The following GALNT3 variants were observed in gnomAD, a reference collection of about 807,000 sequenced individuals.
The protein encoded by GALNT3 is GalNAc transferase 3.
In GALNT3, 51 loss-of-function variants were observed where a neutral mutation model predicts 69.8. The observed-to-expected ratio is 0.73, with a 90% confidence interval of 0.58 to 0.92. The LOEUF is 0.92. Ranked by LOEUF, GALNT3 falls within the 40% of genes least tolerant of loss-of-function variation. The pLI is 0.00. For synonymous variants in GALNT3, 265 were observed against 248.5 expected (o/e 1.07, Z -0.63); for missense variants, 711 against 760.0 (o/e 0.94, Z 0.76).
chr2:165,790,676 A>C (rs1683327935), intron 1 of GALNT3, among the ~76,000 whole-genome samples: 1 of 152,124 alleles, frequency 6.6e-6, no homozygotes, highest in South Asian at 2.1e-4. Context: ...GGCAGGTTAA[A>C]ATTGAAAGTG....
chr2:165,791,362 T>C (rs1204942906), intron 1 of GALNT3, among the ~76,000 whole-genome samples: 1 of 152,134 alleles, frequency 6.6e-6, no homozygotes, highest in Non-Finnish European at 1.5e-5. Context: ...AGAATAGTGC[T>C]ATTTTCACAT....
chr2:165,776,548 G>T lies in GALNT3; in HGVS notation c.-108-5740C>A, dbSNP rs28412869. On this transcript the variant is annotated intron_variant, in intron 1 of 10. Coordinates refer to ENST00000392701, the MANE Select transcript of GALNT3 (RefSeq NM_004482.4). Reference sequence around the variant, plus strand: ...ATAGTTTTTAAAAACTAAAAAAAAAGAAAAAAAAGAAAAGAAAAATTCAGA... The same window carrying T: ...ATAGTTTTTAAAAACTAAAAAAAAATAAAAAAAAGAAAAGAAAAATTCAGA... Among the ~76,000 whole-genome samples, 7 of 149,940 alleles carry T rather than the reference G, an allele frequency of 4.7e-5. No homozygotes were observed. The East Asian group carries it at 1.4e-3, about 29-fold the overall frequency.
chr2:165,757,137 T>C lies in GALNT3; in HGVS notation c.1302A>G (p.Arg434=), dbSNP rs1027728109. 1 of 1,614,132 alleles carries C rather than the reference T, an allele frequency of 6.2e-7. No homozygotes were observed. Among genetic ancestry groups the C allele is most frequent in the Non-Finnish European group, 8.5e-7 (1 of 1,179,974 alleles). ...AGACTTCTGCAAGGCGAACTTGGTT[T>C]CTAGCAATCACCTGAGTGCCTTTTG... ...SFPKGTQVIA[R]NQVRLAEVWM... The change falls in exon 7 of 11, where the codon AGA becomes AGG. Residue 434 remains arginine (R), a synonymous_variant. Transcript: ENST00000392701.
intron 5 of GALNT3, 88 bp downstream of exon 5, chr2:165,759,248 G>A: frequency 9.9e-7 from 1 of 1,014,496 alleles, no homozygotes; most frequent in South Asian, 1.4e-5. Flanking sequence ...AATTACCTCA[G>A]AGGCAATTGC....
chr2:165,782,897 G>C (rs1322222202), intron 1 of GALNT3, among the ~76,000 whole-genome samples: 2 of 152,112 alleles, frequency 1.3e-5, no homozygotes, highest in Non-Finnish European at 2.9e-5. Flanking sequence ...ACCAGAGCTA[G>C]AGATTTTCCT....
At chr2:165,777,248 G>A (rs1682976851) in intron 1 of GALNT3, among the ~76,000 whole-genome samples, 2 of 152,034 alleles carry the variant, frequency 1.3e-5, no homozygotes, top group Admixed American at 1.3e-4. Context: ...CTGAGTTAAG[G>A]CATGCTGTAA....
intron 1 of GALNT3, among the ~76,000 whole-genome samples, chr2:165,773,697 A>T (rs1435310948): frequency 2.0e-5 from 3 of 152,076 alleles, no homozygotes. Context: ...CTTGGGGTAA[A>T]TGTAAAACAA....
chr2:165,780,101 T>G lies in GALNT3; in HGVS notation c.-108-9293A>C, dbSNP rs543041927. Among the ~76,000 whole-genome samples the G allele has an allele frequency of 2.6e-3, 396 of 152,292 alleles. 8 individuals are homozygous for G. The highest frequency in any genetic ancestry group is 6.8e-3 in the Middle Eastern group (2 of 294). The stretch of plus-strand genomic sequence containing the variant: ...GCAGCAGCGCTATCCCAGTCAACTT[T>G]ACAAAGGGGAAGCCATGTTGCTGAG... On this transcript the variant is annotated intron_variant, in intron 1 of 10. Coordinates refer to ENST00000392701, the MANE Select transcript of GALNT3 (RefSeq NM_004482.4).
At chr2:165,762,177 T>A (rs1334940056) in intron 3 of GALNT3, 123 bp from the exon 4 acceptor site, 1 of 764,306 alleles carries the variant, frequency 1.3e-6, no homozygotes, top group African/African-American at 1.8e-5. Context: ...GTTGCATGTG[T>A]CCTTCCAGCA....
At chr2:165,780,650 TTGTTGTTG>T (rs1559006022) in intron 1 of GALNT3, among the ~76,000 whole-genome samples, 13 of 136,106 alleles carry the variant, frequency 9.6e-5, no homozygotes, top group East Asian at 4.4e-4. Flanking sequence ...GGTTTTTTTG[TTGTTGTTG>T]TTGTTGTTGT....
At chr2:165,771,434 GT>G (rs1559002495) in intron 1 of GALNT3, 3 of 152,162 alleles carry the variant, frequency 2.0e-5, no homozygotes, top group African/African-American at 7.2e-5. Flanking sequence ...ATAACAGCTA[GT>G]TTTAATAGCT....
At chr2:165,772,162 G>C (rs533501145) in intron 1 of GALNT3, among the ~76,000 whole-genome samples, 118 of 152,290 alleles carry the variant, frequency 7.7e-4, no homozygotes, top group Non-Finnish European at 1.3e-3. Flanking sequence ...TTAATTATGT[G>C]TCAAATGTTG....
chr2:165,766,327 T>C (rs1688642225), intron 2 of GALNT3, among the ~76,000 whole-genome samples: 2 of 152,238 alleles, frequency 1.3e-5, no homozygotes, highest in African/African-American at 4.8e-5. Context: ...TAAGTGCCCT[T>C]GACTGATTAG....
At chr2:165,789,112 G>A (rs755728689) in intron 1 of GALNT3, among the ~76,000 whole-genome samples, 4 of 152,176 alleles carry the variant, frequency 2.6e-5, no homozygotes, top group African/African-American at 7.2e-5. Flanking sequence ...TGTTCTAATG[G>A]TTGTTGTCTT....
chr2:165,778,566 G>A (rs1295100571), intron 1 of GALNT3, among the ~76,000 whole-genome samples: 2 of 152,136 alleles, frequency 1.3e-5, no homozygotes, highest in African/African-American at 2.4e-5. Context: ...TCCCCCTATG[G>A]CTGAAATAAG....
chr2:165,754,514 C>T, intron 9 of GALNT3, 113 bp downstream of exon 9: 1 of 774,392 alleles, frequency 1.3e-6, no homozygotes. Flanking sequence ...GAAAACATTT[C>T]ACACACAGCT....
At chr2:165,752,178 G>T (rs1034517955) in intron 9 of GALNT3, among the ~76,000 whole-genome samples, 1 of 152,042 alleles carries the variant, frequency 6.6e-6, no homozygotes, top group African/African-American at 2.4e-5. Context: ...CTGGCTATCT[G>T]CTTTCTCCAT....
chr2:165,757,357 A>G, intron 6 of GALNT3, 110 bp from the exon 7 acceptor site: 1 of 981,008 alleles, frequency 1.0e-6, no homozygotes, highest in Non-Finnish European at 1.6e-6. Flanking sequence ...AGAAGAGATT[A>G]CAATATTACA....
intron 10 of GALNT3, 85 bp from the exon 11 acceptor site, chr2:165,748,988 A>G: frequency 7.4e-7 from 1 of 1,358,162 alleles, no homozygotes; most frequent in South Asian, 1.2e-5. Flanking sequence ...GGTTTCATTG[A>G]AGCAAACCTA....
Sources: allele counts gnomAD v4.1 joint callset (sites outside exome capture counted in the v4.1 genomes callset), GRCh38; gene constraint gnomAD v4.1.1; transcripts MANE v1.5; gene names NCBI Gene and HGNC (gene_info 2026-07-23, HGNC 2026-07-21).